Variants in ADGRL3 observed in about 807,000 individuals in gnomAD.
ADGRL3 encodes the protein adhesion G protein-coupled receptor L3, also known as calcium-independent alpha-latrotoxin receptor 3.
In ADGRL3, 62 loss-of-function variants were observed where a neutral mutation model predicts 153.5. The observed-to-expected ratio is 0.40, with a 90% CI of 0.33 to 0.50. The LOEUF is 0.50. Ranked by LOEUF, ADGRL3 falls within the 20% of genes least tolerant of loss-of-function variation. ADGRL3 has a pLI of 0.47. For missense variants in ADGRL3, 1,641 were observed against 1,859.4 expected (o/e 0.88, Z 2.16); for synonymous variants, 710 against 672.5 (o/e 1.06, Z -0.86).
chr4:61,213,910 TAATC>T (rs1453435662), intron 1 of ADGRL3, among the ~76,000 whole-genome samples: 2 of 152,152 alleles, frequency 1.3e-5, no homozygotes, highest in African/African-American at 4.8e-5. Flanking sequence ...AAAGAGTAAA[TAATC>T]ATTTGACTTT....
intron 4 of ADGRL3, chr4:61,583,702 G>T (rs752992809): frequency 1.2e-5 from 6 of 518,562 alleles, no homozygotes; most frequent in South Asian, 8.4e-5. Context: ...TCAGTGAGTA[G>T]TTCCAAAGTG....
At chr4:61,376,391 T>TG (rs1394348621) in intron 1 of ADGRL3, among the ~76,000 whole-genome samples, 6 of 141,888 alleles carry the variant, frequency 4.2e-5, no homozygotes, top group Non-Finnish European at 6.4e-5. Flanking sequence ...AGTTAAATGC[T>TG]GTTTTTTTTT....
intron 6 of ADGRL3, 98 bp from the exon 7 acceptor site, chr4:61,730,524 T>C: frequency 3.1e-6 from 1 of 327,558 alleles, no homozygotes; most frequent in Non-Finnish European, 6.0e-6. Context: ...TTATTTACTT[T>C]CAGTTTGGAA....
intron 1 of ADGRL3, among the ~76,000 whole-genome samples, chr4:61,362,827 T>C (rs943045767): frequency 6.6e-6 from 1 of 152,164 alleles, no homozygotes; most frequent in Admixed American, 6.6e-5. Context: ...AAGTTTCATA[T>C]ATAGATGACT....
intron 8 of ADGRL3, among the ~76,000 whole-genome samples, chr4:61,766,890 G>A (rs1244775754): frequency 8.5e-5 from 13 of 152,180 alleles, no homozygotes; most frequent in Admixed American, 3.3e-4. Context: ...TTGATGAGGC[G>A]CAGATCCTGA....
At chr4:61,456,423 CTATATCTATATATATAGA>C (rs1560664677) in intron 2 of ADGRL3, among the ~76,000 whole-genome samples, 7 of 50,476 alleles carry the variant, frequency 1.4e-4, no homozygotes, top group Admixed American at 6.3e-4. Context: ...ATAGATATAT[CTATATCTATATATATAGA>C]TATATCTATA....
chr4:61,557,296 T>C (rs746252121), intron 4 of ADGRL3, among the ~76,000 whole-genome samples: 9 of 152,238 alleles, frequency 5.9e-5, no homozygotes, highest in Admixed American at 2.6e-4. Context: ...GAATACTTCA[T>C]CCTTAAATAG....
At chr4:61,231,990 GA>G in intron 1 of ADGRL3, among the ~76,000 whole-genome samples, 1 of 151,706 alleles carries the variant, frequency 6.6e-6, no homozygotes, top group Non-Finnish European at 1.5e-5. Flanking sequence ...TTACTAGATA[GA>G]TAAATTAGGA....
chr4:61,929,371 G>A lies in ADGRL3; in HGVS notation c.2113-5469G>A, dbSNP rs114103285. 2.9e-3 allele frequency among the ~76,000 whole-genome samples: 434 copies of A among 152,274 alleles called. 1 individual carries two copies. Among genetic ancestry groups the A allele is most frequent in the Non-Finnish European group, 3.9e-3 (266 of 68,024 alleles). On this transcript the variant is annotated intron_variant, in intron 13 of 26. Coordinates refer to ENST00000683033, the MANE Select transcript of ADGRL3 (RefSeq NM_001387552.1). Reference sequence around the variant, plus strand: ...GGTTTATAAAATTGTCCAGTCTAAGGTATTTTGTTCTAGCAGCCCAAATGG... The same window carrying A: ...GGTTTATAAAATTGTCCAGTCTAAGATATTTTGTTCTAGCAGCCCAAATGG...
intron 19 of ADGRL3, among the ~76,000 whole-genome samples, chr4:61,993,274 T>A (rs1415083386): frequency 6.7e-6 from 1 of 148,442 alleles, no homozygotes; most frequent in Non-Finnish European, 1.5e-5. Flanking sequence ...TTTCTGTTTC[T>A]TTTTTTCTTT....
At chr4:61,897,154 G>T (rs185692497) in intron 11 of ADGRL3, among the ~76,000 whole-genome samples, 88 of 152,186 alleles carry the variant, frequency 5.8e-4, no homozygotes, top group Non-Finnish European at 1.0e-3. Context: ...TTGTCCATCT[G>T]ATTTATGGAC....
chr4:61,266,315 C>G (rs1196634996), intron 1 of ADGRL3, among the ~76,000 whole-genome samples: 6 of 151,734 alleles, frequency 4.0e-5, no homozygotes, highest in Non-Finnish European at 8.8e-5. Flanking sequence ...TGCCTTACTT[C>G]TCTTACATCT....
chr4:62,008,141 A>C (rs1480162415), intron 21 of ADGRL3, among the ~76,000 whole-genome samples: 5 of 152,138 alleles, frequency 3.3e-5, no homozygotes, highest in Non-Finnish European at 5.9e-5. Flanking sequence ...GTTAAAAACC[A>C]CAGGTAAAGA....
intron 4 of ADGRL3, among the ~76,000 whole-genome samples, chr4:61,580,933 A>G (rs1313914361): frequency 6.6e-6 from 1 of 152,096 alleles, no homozygotes; most frequent in Non-Finnish European, 1.5e-5. Flanking sequence ...GTACATCCAC[A>G]TTCAAGAGAA....
At chr4:61,518,162 C>T (rs2098509077) in intron 4 of ADGRL3, among the ~76,000 whole-genome samples, 1 of 152,176 alleles carries the variant, frequency 6.6e-6, no homozygotes, top group Admixed American at 6.5e-5. Context: ...TTTTCCCGAA[C>T]ACTTTACATT....
At chr4:61,554,349 A>G (rs2098755569) in intron 4 of ADGRL3, among the ~76,000 whole-genome samples, 1 of 151,794 alleles carries the variant, frequency 6.6e-6, no homozygotes, top group Admixed American at 6.6e-5. Flanking sequence ...GCGTGCCACC[A>G]CGTCTAGCTA....
chr4:61,509,551 A>G (rs1352508853), intron 3 of ADGRL3, among the ~76,000 whole-genome samples: 1 of 152,056 alleles, frequency 6.6e-6, no homozygotes, highest in Non-Finnish European at 1.5e-5. Context: ...ACTGGCATCC[A>G]TGTTGCTGGA....
chr4:61,218,920 G>A (rs1010200098), intron 1 of ADGRL3, among the ~76,000 whole-genome samples: 4 of 148,656 alleles, frequency 2.7e-5, no homozygotes, highest in Non-Finnish European at 5.9e-5. Flanking sequence ...GGGAAGCCAT[G>A]AAAGGTTTTA....
chr4:61,541,346 ATT>A (rs3075146), intron 4 of ADGRL3, among the ~76,000 whole-genome samples: 27,301 of 103,380 alleles, frequency 0.26, 3,055 homozygotes, highest in Admixed American at 0.33. Flanking sequence ...TCTGGTAGAG[ATT>A]TTTTTTTTTT....
Sources: allele counts gnomAD v4.1 joint callset (sites outside exome capture counted in the v4.1 genomes callset), GRCh38; gene constraint gnomAD v4.1.1; transcripts MANE v1.5; gene names NCBI Gene and HGNC (gene_info 2026-07-23, HGNC 2026-07-21).